Variants in UBR1 observed in about 807,000 individuals in gnomAD.
UBR1 encodes E3 ubiquitin-protein ligase UBR1.
Under a neutral mutation model 242.1 loss-of-function variants are expected in UBR1, and 102 were observed. That is an observed-to-expected ratio of 0.42 (90% confidence interval 0.36 to 0.50). The LOEUF is 0.50. UBR1 is among the 20% of genes least tolerant of loss of function. UBR1 has a pLI of 0.01. For missense variants in UBR1, 1,772 were observed against 2,101.8 expected, an observed-to-expected ratio of 0.84 and a Z score of 3.07; for synonymous variants, 675 against 684.8, an observed-to-expected ratio of 0.99 and a Z score of 0.22.
intron 6 of UBR1, among the ~76,000 whole-genome samples, chr15:43,062,751 T>C (rs1181303405): frequency 6.6e-6 from 1 of 151,978 alleles, no homozygotes; most frequent in African/African-American, 2.4e-5. Flanking sequence ...CCAACAAAAA[T>C]AACCTTTCTT....
chr15:43,015,621 A>G, intron 29 of UBR1, 67 bp downstream of exon 29: 1 of 1,544,594 alleles, frequency 6.5e-7, no homozygotes. Flanking sequence ...TCTCGGAGAA[A>G]CACCCAAGAA....
chr15:43,055,524 T>A (rs1216711523), intron 11 of UBR1, among the ~76,000 whole-genome samples: 1 of 152,092 alleles, frequency 6.6e-6, no homozygotes, highest in Admixed American at 6.6e-5. Flanking sequence ...TTCTGAAATC[T>A]CCTCCTTACC....
chr15:42,949,175 A>G (rs2031786425), intron 46 of UBR1, among the ~76,000 whole-genome samples: 1 of 151,346 alleles, frequency 6.6e-6, no homozygotes, highest in Non-Finnish European at 1.5e-5. Flanking sequence ...AAACTATTGC[A>G]AGGACAAAAA....
At chr15:43,045,151 G>A (rs138985425) in intron 14 of UBR1, among the ~76,000 whole-genome samples, 1 of 152,100 alleles carries the variant, frequency 6.6e-6, no homozygotes, top group Non-Finnish European at 1.5e-5. Context: ...ATGATGACAG[G>A]TCCATTTAAA....
intron 26 of UBR1, among the ~76,000 whole-genome samples, chr15:43,022,050 C>A: frequency 6.6e-6 from 1 of 151,898 alleles, no homozygotes; most frequent in East Asian, 1.9e-4. Flanking sequence ...TAATGAGAAA[C>A]AAAATTGCCA....
At chr15:43,052,668 A>AG (rs2033570575) in intron 12 of UBR1, among the ~76,000 whole-genome samples, 1 of 152,230 alleles carries the variant, frequency 6.6e-6, no homozygotes, top group Non-Finnish European at 1.5e-5. Flanking sequence ...ACAAGGTTTC[A>AG]GGGGAAATTA....
intron 2 of UBR1, among the ~76,000 whole-genome samples, chr15:43,085,325 T>G (rs1038981256): frequency 1.3e-5 from 2 of 152,226 alleles, no homozygotes; most frequent in African/African-American, 4.8e-5. Context: ...TATTCAGAAT[T>G]CTGAAATGGC....
chr15:43,053,076 G>A (rs2033575642), intron 12 of UBR1, among the ~76,000 whole-genome samples: 1 of 152,198 alleles, frequency 6.6e-6, no homozygotes, highest in African/African-American at 2.4e-5. Context: ...ATTCTCATGA[G>A]AGTGAATTAC....
intron 33 of UBR1, among the ~76,000 whole-genome samples, chr15:42,993,900 G>T (rs141986849): frequency 1.3e-3 from 191 of 151,568 alleles, no homozygotes; most frequent in African/African-American, 4.5e-3. Context: ...TATTTAAGAA[G>T]TTTCCATCAA....
intron 27 of UBR1, 81 bp downstream of exon 27, chr15:43,021,194 A>G (rs2033106194): frequency 3.7e-6 from 4 of 1,075,574 alleles, no homozygotes; most frequent in Non-Finnish European, 5.8e-6. Flanking sequence ...CTACAATGGT[A>G]CAGTGGTTTA....
chr15:43,014,996 CAG>C (rs1204554468), intron 29 of UBR1, among the ~76,000 whole-genome samples: 1 of 151,264 alleles, frequency 6.6e-6, no homozygotes, highest in Non-Finnish European at 1.5e-5. Flanking sequence ...CCCGCCCGGC[CAG>C]ACGCCCCGAC....
chr15:43,053,827 ATTT>A (rs752733899), intron 12 of UBR1, among the ~76,000 whole-genome samples: 5 of 132,086 alleles, frequency 3.8e-5, no homozygotes, highest in Admixed American at 1.5e-4. Flanking sequence ...TACAGACGCA[ATTT>A]TTTTTTTTTT....
Position 43,037,893 on chromosome 15 carries a change from A to G in UBR1, c.1912-10T>C, listed in dbSNP as rs1314900852. 6.2e-7 allele frequency: 1 copy of G among 1,606,858 alleles called. No individual in the cohort carries two copies. Among genetic ancestry groups the G allele is most frequent in the East Asian group, 2.2e-5 (1 of 44,806 alleles). On this transcript the variant is annotated splice_polypyrimidine_tract_variant and intron_variant, in intron 16 of 46. Transcript: ENST00000290650. ...CTACTTGAAAGTCCTCCTGAAATAG[A>G]GTGAGTTCAATTTTATCATTTCTCA... is the stretch of plus-strand genomic sequence containing the variant.
chr15:43,015,099 G>A (rs1208576659), intron 29 of UBR1, among the ~76,000 whole-genome samples: 2 of 152,092 alleles, frequency 1.3e-5, no homozygotes, highest in Non-Finnish European at 2.9e-5. Flanking sequence ...CTACTGGGAA[G>A]TGAGGAGCCC....
rs761246537 is a variant in UBR1 at position 43,024,937 on chromosome 15, T to C, written c.2631A>G (p.Lys877=). ...PPPEFCPAFS[K]VINLLNCDIM... ...TATCACAGTTGAGAAGGTTAATCAC[T>C]TTGCTGAAAGCAGGGCAGAATTCAG... is the stretch of plus-strand genomic sequence containing the variant. Residue 877 remains lysine, a synonymous_variant, in exon 25 of 47, where the codon AAA becomes AAG. Coordinates refer to ENST00000290650, the MANE Select transcript of UBR1 (RefSeq NM_174916.3). The C allele has an allele frequency of 1.2e-6, 2 of 1,614,164 alleles. No individual in the cohort carries two copies. Among genetic ancestry groups the C allele is most frequent in the East Asian group, 4.5e-5 (2 of 44,882 alleles).
At chr15:42,975,594 C>A (rs1307058240) in intron 39 of UBR1, among the ~76,000 whole-genome samples, 1 of 152,100 alleles carries the variant, frequency 6.6e-6, no homozygotes, top group Non-Finnish European at 1.5e-5. Context: ...ATATTTTATT[C>A]TGACATCACT....
At chr15:43,056,535 C>T in intron 10 of UBR1, 93 bp from the exon 11 acceptor site, 1 of 810,044 alleles carries the variant, frequency 1.2e-6, no homozygotes, top group Admixed American at 2.3e-5. Flanking sequence ...TTGTTTCTAT[C>T]TATAAAATGT....
intron 33 of UBR1, among the ~76,000 whole-genome samples, chr15:42,997,171 G>A (rs564444552): frequency 6.5e-4 from 99 of 152,198 alleles, no homozygotes; most frequent in African/African-American, 2.3e-3. Context: ...TCATAGGAGC[G>A]CAAACTCTAC....
chr15:43,053,882 A>G (rs1346627933), intron 12 of UBR1, among the ~76,000 whole-genome samples: 1 of 148,222 alleles, frequency 6.7e-6, no homozygotes. Context: ...GCTGGAGTGC[A>G]GTGGCGCAAT....
Sources: gnomAD v4.1 joint callset for allele counts (sites outside exome capture counted in the v4.1 genomes callset) on GRCh38, gnomAD v4.1.1 for gene constraint, MANE v1.5 for transcripts, NCBI Gene and HGNC (gene_info 2026-07-23, HGNC 2026-07-21) for gene names.